Variants in ARMH3 observed in about 807,000 individuals in gnomAD.
The protein encoded by ARMH3 is armadillo-like helical domain-containing protein 3.
Under a neutral mutation model 99.1 loss-of-function variants are expected in ARMH3, and 60 were observed. The observed-to-expected ratio is 0.61, with a 90% CI of 0.49 to 0.75. The LOEUF is 0.75. ARMH3 is among the 30% of genes least tolerant of loss of function. ARMH3 has a pLI of 0.00. For missense variants in ARMH3, 679 were observed against 843.1 expected (o/e 0.81, Z 2.41); for synonymous variants, 285 against 292.8 (o/e 0.97, Z 0.27).
chr10:101,859,181 G>C (rs972909788), intron 24 of ARMH3, among the ~76,000 whole-genome samples: 1 of 152,222 alleles, frequency 6.6e-6, no homozygotes, highest in African/African-American at 2.4e-5. Context: ...TAACTGACCA[G>C]TGAATGGGCA....
intron 23 of ARMH3, among the ~76,000 whole-genome samples, chr10:101,915,954 C>T (rs904851093): frequency 6.6e-6 from 1 of 152,100 alleles, no homozygotes; most frequent in Non-Finnish European, 1.5e-5. Context: ...CAGGCGCCCA[C>T]CACGGCGCCT....
intron 20 of ARMH3, among the ~76,000 whole-genome samples, chr10:101,973,359 C>CAAAAAAAAAAAAAA (rs56712768): frequency 1.2e-5 from 1 of 80,156 alleles, no homozygotes; most frequent in East Asian, 2.9e-4. Flanking sequence ...GACTCCGTCT[C>CAAAAAAAAAAAAAA]AAAAAAAAAA....
chr10:101,872,250 CGTGTGT>C (rs35739666), intron 24 of ARMH3, among the ~76,000 whole-genome samples: 8 of 146,372 alleles, frequency 5.5e-5, no homozygotes, highest in South Asian at 2.2e-4. Flanking sequence ...TGTGTAACAA[CGTGTGT>C]GTGTGTGTGT....
chr10:101,993,159 T>A, intron 17 of ARMH3, among the ~76,000 whole-genome samples: 1 of 150,762 alleles, frequency 6.6e-6, no homozygotes, highest in Non-Finnish European at 1.5e-5. Context: ...TAATCCCAGC[T>A]ACTCAGGAGG....
chr10:101,860,899 T>C (rs2066850323), intron 24 of ARMH3, among the ~76,000 whole-genome samples: 1 of 152,216 alleles, frequency 6.6e-6, no homozygotes, highest in Non-Finnish European at 1.5e-5. Flanking sequence ...ACTCCATAAA[T>C]ATTTTATCTG....
At chr10:101,894,899 A>G (rs1002583920) in intron 23 of ARMH3, among the ~76,000 whole-genome samples, 1 of 150,418 alleles carries the variant, frequency 6.6e-6, no homozygotes, top group Non-Finnish European at 1.5e-5. Context: ...GGCACCAGAG[A>G]GCTCTCTTGC....
intron 22 of ARMH3, among the ~76,000 whole-genome samples, chr10:101,954,667 T>C (rs1163933883): frequency 6.6e-6 from 1 of 152,224 alleles, no homozygotes; most frequent in Admixed American, 6.5e-5. Flanking sequence ...TTGCCATATA[T>C]GTAAATTACG....
chr10:101,912,391 CAAAA>C (rs34173316), intron 23 of ARMH3, among the ~76,000 whole-genome samples: 5 of 83,070 alleles, frequency 6.0e-5, no homozygotes, highest in Non-Finnish European at 2.3e-5. Flanking sequence ...GACTCTGTCT[CAAAA>C]AAAAAAAAAA....
chr10:101,862,467 C>T (rs1399984349), intron 24 of ARMH3, among the ~76,000 whole-genome samples: 5 of 152,042 alleles, frequency 3.3e-5, no homozygotes, highest in African/African-American at 1.2e-4. Flanking sequence ...ATCCCAGCTA[C>T]TGGGGAGACT....
At chr10:101,850,197 A>G (rs983033008) in intron 24 of ARMH3, among the ~76,000 whole-genome samples, 1 of 147,060 alleles carries the variant, frequency 6.8e-6, no homozygotes, top group African/African-American at 2.5e-5. Context: ...TCCCAGGTTC[A>G]AGCGATTCTC....
At chr10:101,849,475 G>A (rs2066536586) in intron 25 of ARMH3, among the ~76,000 whole-genome samples, 1 of 152,208 alleles carries the variant, frequency 6.6e-6, no homozygotes, top group Non-Finnish European at 1.5e-5. Context: ...TTTATTAGTT[G>A]CCCTGAGGAC....
intron 24 of ARMH3, among the ~76,000 whole-genome samples, chr10:101,880,861 T>C (rs530310415): frequency 2.6e-5 from 4 of 152,312 alleles, no homozygotes; most frequent in African/African-American, 9.6e-5. Flanking sequence ...ACTGGGGTTC[T>C]CCTCTTATGA....
intron 19 of ARMH3, among the ~76,000 whole-genome samples, chr10:101,977,953 G>A (rs1846079104): frequency 1.3e-5 from 2 of 152,106 alleles, no homozygotes; most frequent in Admixed American, 6.5e-5. Context: ...TCAGTCTCAG[G>A]TATTCAGTTA....
intron 24 of ARMH3, among the ~76,000 whole-genome samples, chr10:101,866,536 GCAGCTACGC>G (rs1381148546): frequency 4.0e-5 from 6 of 151,544 alleles, no homozygotes; most frequent in Non-Finnish European, 4.4e-5. Context: ...AGCCATTCCT[GCAGCTACGC>G]CAGCAGGCAT....
intron 20 of ARMH3, among the ~76,000 whole-genome samples, chr10:101,970,434 G>A (rs1400680859): frequency 6.6e-6 from 1 of 152,180 alleles, no homozygotes; most frequent in Non-Finnish European, 1.5e-5. Context: ...ACATTGTGCT[G>A]CTTTTGGAGA....
intron 23 of ARMH3, among the ~76,000 whole-genome samples, chr10:101,922,076 T>G (rs969321779): frequency 6.6e-6 from 1 of 152,200 alleles, no homozygotes; most frequent in Non-Finnish European, 1.5e-5. Flanking sequence ...AGTCTATGCA[T>G]GTAACCAAAT....
chr10:101,867,657 A>G (rs1210038497), intron 24 of ARMH3, among the ~76,000 whole-genome samples: 1 of 151,990 alleles, frequency 6.6e-6, no homozygotes, highest in Admixed American at 6.6e-5. Context: ...ACATAGTGAG[A>G]CCCCACCTCT....
At chr10:101,955,268 A>G (rs1191843864) in intron 22 of ARMH3, among the ~76,000 whole-genome samples, 2 of 152,208 alleles carry the variant, frequency 1.3e-5, no homozygotes, top group Non-Finnish European at 2.9e-5. Flanking sequence ...AGCTATTACA[A>G]TGAGAGAGAG....
chr10:102,050,065 C>T (rs570663064), intron 1 of ARMH3, among the ~76,000 whole-genome samples: 1 of 152,110 alleles, frequency 6.6e-6, no homozygotes, highest in South Asian at 2.1e-4. Context: ...ATCGCTTGAA[C>T]CCGGGAGGCG....
Sources: gnomAD v4.1 joint callset for allele counts (sites outside exome capture counted in the v4.1 genomes callset) on GRCh38, gnomAD v4.1.1 for gene constraint, MANE v1.5 for transcripts, NCBI Gene and HGNC (gene_info 2026-07-23, HGNC 2026-07-21) for gene names.